The following SRRM4 variants were observed in gnomAD, a reference collection of about 807,000 sequenced individuals.
SRRM4 encodes serine/arginine repetitive matrix protein 4.
In SRRM4, 33 loss-of-function variants were observed where a neutral mutation model predicts 68.9. The ratio of observed to expected loss-of-function variants is 0.48; its 90% CI spans 0.36 to 0.64. The LOEUF is 0.64. Among genes scored for constraint, SRRM4 ranks in the 30% least tolerant of loss-of-function variants. The pLI, the probability that SRRM4 is intolerant of heterozygous loss-of-function variation, is 0.00. For synonymous variants in SRRM4, 318 were observed against 318.8 expected, an observed-to-expected ratio of 1.00 and a Z score of 0.03; for missense variants, 817 against 827.1, an observed-to-expected ratio of 0.99 and a Z score of 0.15.
At chr12:119,143,566 G>T (rs957146698) in intron 8 of SRRM4, among the ~76,000 whole-genome samples, 11 of 152,234 alleles carry the variant, frequency 7.2e-5, no homozygotes, top group Admixed American at 3.9e-4. Flanking sequence ...GGGAGAATCT[G>T]GCCCTGGAAC....
chr12:119,148,441 A>G (rs747309708), intron 9 of SRRM4, among the ~76,000 whole-genome samples: 33 of 152,238 alleles, frequency 2.2e-4, no homozygotes, highest in Non-Finnish European at 3.7e-4. Context: ...ACTGATATAC[A>G]GCAGTGCTAT....
intron 7 of SRRM4, among the ~76,000 whole-genome samples, chr12:119,127,334 G>T (rs1314963290): frequency 6.6e-6 from 1 of 152,138 alleles, no homozygotes; most frequent in African/African-American, 2.4e-5. Context: ...TTTCTGAAAT[G>T]CATCTCACAC....
intron 1 of SRRM4, among the ~76,000 whole-genome samples, chr12:119,015,319 A>G (rs1953474617): frequency 6.6e-6 from 1 of 152,156 alleles, no homozygotes; most frequent in Non-Finnish European, 1.5e-5. Context: ...CTTCAACCAG[A>G]CTTACAGGGA....
chr12:119,117,946 A>T (rs1320204136), intron 4 of SRRM4, among the ~76,000 whole-genome samples: 1 of 152,156 alleles, frequency 6.6e-6, no homozygotes, highest in Non-Finnish European at 1.5e-5. Context: ...CAAAGGATAT[A>T]CAACAGAGGG....
Position 119,157,449 on chromosome 12 carries a change from T to C in SRRM4, c.*651T>C, listed in dbSNP as rs1954481576. 6.6e-6 allele frequency: 1 copy of C among 152,400 alleles called. No homozygotes were observed. The highest frequency in any genetic ancestry group is 1.5e-5 in the Non-Finnish European group (1 of 68,350). The allele number at this position is 152,400 out of a possible 1,614,324, so 9.4% of individuals were successfully genotyped here. ...GATAGGAGTTGGTTAAGATGATAGA[T>C]AGAAAAACGGAAGGGTTCAGCTGCT... On this transcript the variant is annotated 3_prime_UTR_variant, in exon 13 of 13. Coordinates refer to ENST00000267260, the MANE Select transcript of SRRM4 (RefSeq NM_194286.4). This position sits in a 1 kb window ranked among gnomAD's most constrained non-coding sequence, Gnocchi z 4.1.
At chr12:119,091,488 C>T (rs1327377553) in intron 1 of SRRM4, among the ~76,000 whole-genome samples, 3 of 152,124 alleles carry the variant, frequency 2.0e-5, no homozygotes, top group Non-Finnish European at 4.4e-5. Flanking sequence ...GTGAGTGGGT[C>T]TCCAGAGGCA....
chr12:119,024,396 C>A (rs1594031734), intron 1 of SRRM4, among the ~76,000 whole-genome samples: 1 of 152,190 alleles, frequency 6.6e-6, no homozygotes, highest in African/African-American at 2.4e-5. Context: ...CTAGCTGATG[C>A]AGTCTCACTG....
chr12:119,145,447 G>A lies in SRRM4; in HGVS notation c.838G>A (p.Gly280Arg). 6.2e-7 allele frequency: 1 copy of A among 1,608,222 alleles called. No homozygotes were observed. The highest frequency in any genetic ancestry group is 8.5e-7 in the Non-Finnish European group (1 of 1,177,470). The change falls in exon 9 of 13, where the codon GGA becomes AGA. Residue 280 changes from glycine to arginine, a missense_variant. Gly to Arg is a moderately radical substitution (Grantham distance 125). Coordinates refer to ENST00000267260, the MANE Select transcript of SRRM4 (RefSeq NM_194286.4). ...AGCCAGCCCGCTCACCACCTCGCGA[G>A]GACGTTCCCAGGAGTACGACTCAGG... ...KTASPLTTSRGRSQEYDSGND... is the reference protein window; with the variant it reads ...KTASPLTTSRRRSQEYDSGND...
Position 119,159,670 on chromosome 12 carries a change from T to A in SRRM4, c.*2872T>A, listed in dbSNP as rs1430760787. The A allele has an allele frequency of 6.6e-6, 1 of 152,156 alleles. No homozygotes were observed. Among genetic ancestry groups the A allele is most frequent in the African/African-American group, 2.4e-5 (1 of 41,438 alleles). 9.4% of individuals were successfully genotyped at this position (152,156 alleles called of 1,614,324 possible). ...GCACATAGCAGGATCACTCCCTAGCTTCTCTGAGCACACCTAGTTGGTTTC... is the reference window on the plus strand; with the variant it reads ...GCACATAGCAGGATCACTCCCTAGCATCTCTGAGCACACCTAGTTGGTTTC... On this transcript the variant is annotated 3_prime_UTR_variant, in exon 13 of 13. Coordinates refer to ENST00000267260, the MANE Select transcript of SRRM4 (RefSeq NM_194286.4).
chr12:119,069,156 G>A (rs76595572), intron 1 of SRRM4, among the ~76,000 whole-genome samples: 6,199 of 152,232 alleles, frequency 0.041, 184 homozygotes, highest in South Asian at 0.064. Flanking sequence ...AAATAGTAAA[G>A]TCAACAATTA....
intron 1 of SRRM4, among the ~76,000 whole-genome samples, chr12:119,101,667 T>C (rs1388522146): frequency 1.3e-5 from 2 of 152,100 alleles, no homozygotes; most frequent in Non-Finnish European, 2.9e-5. Context: ...CCAGATACTA[T>C]AGCTACTAAA....
chr12:119,126,168 C>T (rs886888433), intron 7 of SRRM4, among the ~76,000 whole-genome samples: 4 of 151,348 alleles, frequency 2.6e-5, no homozygotes, highest in African/African-American at 4.9e-5. Context: ...GGACTACAGG[C>T]GCCCGCCACC....
intron 1 of SRRM4, among the ~76,000 whole-genome samples, chr12:119,034,108 A>G (rs1340413565): frequency 6.6e-6 from 1 of 152,182 alleles, no homozygotes; most frequent in Non-Finnish European, 1.5e-5. Context: ...AAGAAAGGAA[A>G]GGGAGTAGGA....
chr12:119,066,039 C>T (rs1341568583), intron 1 of SRRM4, among the ~76,000 whole-genome samples: 2 of 152,184 alleles, frequency 1.3e-5, no homozygotes, highest in African/African-American at 4.8e-5. Context: ...AGTAACCCCT[C>T]AATATGCCTT....
At chr12:119,067,109 A>G (rs1195956283) in intron 1 of SRRM4, among the ~76,000 whole-genome samples, 1 of 150,264 alleles carries the variant, frequency 6.7e-6, no homozygotes, top group East Asian at 1.9e-4. Context: ...TGCTCCAGTC[A>G]CTGCTTTTGC....
At chr12:119,125,610 A>G in intron 7 of SRRM4, 131 bp downstream of exon 7, 1 of 726,614 alleles carries the variant, frequency 1.4e-6, no homozygotes, top group African/African-American at 1.8e-5. Flanking sequence ...AGCAGCTGGC[A>G]CCACTTCCCT....
At chr12:119,088,362 C>T (rs150596046) in intron 1 of SRRM4, among the ~76,000 whole-genome samples, 11 of 152,214 alleles carry the variant, frequency 7.2e-5, no homozygotes, top group East Asian at 3.9e-4. Flanking sequence ...CCCCCCTCAA[C>T]GGTGATTGGG....
At chr12:119,091,962 C>A (rs1394761597) in intron 1 of SRRM4, among the ~76,000 whole-genome samples, 1 of 152,192 alleles carries the variant, frequency 6.6e-6, no homozygotes, top group Admixed American at 6.5e-5. Context: ...CAACCCTCCT[C>A]AGGAGTAAAA....
Position 119,116,943 on chromosome 12 carries a change from A to G in SRRM4, c.372A>G (p.Ser124=). ...GTCTTCTTGGCCCTGGCAGGTCCTC[A>G]TCCTATAGCCCATCGCCTGTCAAGA... The part of the protein sequence containing the change: ...KSTRKKRRRS[S]SYSPSPVKKK... Residue 124 remains serine, a synonymous_variant, in exon 4 of 13, where the codon TCA becomes TCG. Transcript: ENST00000267260. The G allele has an allele frequency of 6.2e-7, 1 of 1,613,668 alleles. No homozygotes were observed. The highest frequency in any genetic ancestry group is 8.5e-7 in the Non-Finnish European group (1 of 1,179,750).
Sources: allele counts gnomAD v4.1 joint callset (sites outside exome capture counted in the v4.1 genomes callset), GRCh38; gene constraint gnomAD v4.1.1; non-coding constraint Gnocchi (gnomAD v3.1); transcripts MANE v1.5; gene names NCBI Gene and HGNC (gene_info 2026-07-23, HGNC 2026-07-21).